The following ARHGAP6 variants were observed in gnomAD, a reference collection of about 807,000 sequenced individuals.
ARHGAP6 encodes Rho GTPase activating protein 6.
A neutral mutation model predicts 55.7 loss-of-function variants in ARHGAP6; 16 were observed. That is an observed-to-expected ratio of 0.29 (90% CI 0.19 to 0.44). The LOEUF (loss-of-function observed/expected upper bound fraction) is 0.44. ARHGAP6 is among the 20% of genes least tolerant of loss of function. The pLI, the probability that ARHGAP6 is intolerant of heterozygous loss-of-function variation, is 1.00. For missense variants in ARHGAP6, 698 were observed against 808.9 expected, an observed-to-expected ratio of 0.86 and a Z score of 1.66; for synonymous variants, 382 against 360.9, an observed-to-expected ratio of 1.06 and a Z score of -0.66.
At chrX:11,432,161 T>A (rs929236966) in intron 1 of ARHGAP6, among the ~76,000 whole-genome samples, 3 of 112,488 alleles carry the variant, frequency 2.7e-5, no homozygotes, top group African/African-American at 9.7e-5. Context: ...TATTAGAGCT[T>A]AGTGTTGCCT....
chrX:11,317,791 T>C (rs997573258), intron 1 of ARHGAP6, among the ~76,000 whole-genome samples: 1 of 111,376 alleles, frequency 9.0e-6, no homozygotes, highest in Non-Finnish European at 1.9e-5. Flanking sequence ...ATTTTTCCAT[T>C]TCATAATTAT....
At chrX:11,534,170 T>C (rs2051079260) in intron 1 of ARHGAP6, among the ~76,000 whole-genome samples, 1 of 111,632 alleles carries the variant, frequency 9.0e-6, no homozygotes, top group Admixed American at 9.5e-5. Flanking sequence ...CTGACTTAGA[T>C]TCAAAATGGA....
intron 1 of ARHGAP6, among the ~76,000 whole-genome samples, chrX:11,316,791 A>G (rs969002303): frequency 2.7e-5 from 3 of 112,152 alleles, no homozygotes; most frequent in Non-Finnish European, 5.6e-5. Flanking sequence ...TCCACATGTA[A>G]GTGAGAAAGT....
At position 11,518,289 on chromosome X, in the gene ARHGAP6, T is replaced by C. The variant is rs367960086; in HGVS notation, c.588+145952A>G. 1.2e-4 allele frequency among the ~76,000 whole-genome samples: 13 copies of C among 109,867 alleles called. No individual in the cohort carries two copies. In the East Asian group the frequency reaches 3.7e-3, roughly 31 times the overall value. On this transcript the variant is annotated intron_variant, in intron 1 of 12. Transcript: ENST00000337414. ...TCGAGTAGCTGTGACTACAGATGCATACCACCACACTTGGCTATTATTTTC... is the reference window on the plus strand; with the variant it reads ...TCGAGTAGCTGTGACTACAGATGCACACCACCACACTTGGCTATTATTTTC...
chrX:11,659,596 TAA>T (rs1265620016), intron 1 of ARHGAP6, among the ~76,000 whole-genome samples: 1 of 111,872 alleles, frequency 8.9e-6, no homozygotes, highest in African/African-American at 3.3e-5. Flanking sequence ...CAGGTGGAAT[TAA>T]AAGTCACTAA....
chrX:11,351,668 G>A, intron 1 of ARHGAP6: 1 of 622,755 alleles, frequency 1.6e-6, no homozygotes, highest in Non-Finnish European at 1.9e-6. Flanking sequence ...TCAGAAGTCT[G>A]CTGGACCCAC....
chrX:11,479,434 A>G (rs981356326), intron 1 of ARHGAP6, among the ~76,000 whole-genome samples: 1 of 111,840 alleles, frequency 8.9e-6, no homozygotes, highest in East Asian at 2.8e-4. Flanking sequence ...AGGTCATTGT[A>G]TACATTCAGC....
At chrX:11,161,267 G>A (rs1292656548) in intron 9 of ARHGAP6, among the ~76,000 whole-genome samples, 2 of 112,239 alleles carry the variant, frequency 1.8e-5, no homozygotes, top group African/African-American at 3.2e-5. Flanking sequence ...TATATTGGAT[G>A]AACACTTATT....
At chrX:11,651,982 G>A (rs370972667) in intron 1 of ARHGAP6, among the ~76,000 whole-genome samples, 76 of 111,838 alleles carry the variant, frequency 6.8e-4, no homozygotes, top group Non-Finnish European at 1.3e-3. Flanking sequence ...TTTTAATAGC[G>A]TTGCTTCTTA....
chrX:11,625,045 G>T (rs2052279083), intron 1 of ARHGAP6, among the ~76,000 whole-genome samples: 1 of 111,956 alleles, frequency 8.9e-6, no homozygotes, highest in Non-Finnish European at 1.9e-5. Context: ...GGCAATGCTA[G>T]TATACTGTTG....
intron 1 of ARHGAP6, among the ~76,000 whole-genome samples, chrX:11,304,248 C>T (rs891135699): frequency 1.0e-4 from 11 of 110,354 alleles, no homozygotes; most frequent in African/African-American, 3.6e-4. Flanking sequence ...AGCCACCACA[C>T]CCAGCTAATT....
chrX:11,296,576 G>A (rs937988132), intron 1 of ARHGAP6, among the ~76,000 whole-genome samples: 2 of 111,750 alleles, frequency 1.8e-5, no homozygotes, highest in Non-Finnish European at 3.8e-5. Flanking sequence ...AAAATAAAAG[G>A]TCTCCTCTTC....
intron 1 of ARHGAP6, among the ~76,000 whole-genome samples, chrX:11,538,854 T>G (rs1323691758): frequency 1.9e-5 from 2 of 105,854 alleles, no homozygotes; most frequent in Non-Finnish European, 3.9e-5. Context: ...GTGTGGTTTT[T>G]TTTTTTTTTT....
intron 1 of ARHGAP6, among the ~76,000 whole-genome samples, chrX:11,297,041 T>A (rs1200397342): frequency 9.0e-6 from 1 of 111,535 alleles, no homozygotes; most frequent in Non-Finnish European, 1.9e-5. Flanking sequence ...ACTCAGTCTG[T>A]CCTCCTAAAT....
At chrX:11,522,929 C>CA (rs750836578) in intron 1 of ARHGAP6, among the ~76,000 whole-genome samples, 1,591 of 111,091 alleles carry the variant, frequency 0.014, 28 homozygotes, top group African/African-American at 0.05. Context: ...AGAGACACAA[C>CA]AAAAAACAGA....
In ARHGAP6 at chrX:11,138,877, C is replaced by T; in HGVS notation, c.2911G>A (p.Glu971Lys). 3 of 1,182,901 alleles carry T rather than the reference C, an allele frequency of 2.5e-6. No individual in the cohort carries two copies. Among genetic ancestry groups the T allele is most frequent in the Non-Finnish European group, 3.4e-6 (3 of 887,264 alleles). ...LSTDNPDALP[E>K]TLV The stretch of plus-strand genomic sequence containing the variant: ...TGGGTGCGGGCTCAGACCAGCGTCT[C>T]GGGCAGGGCATCGGGGTTGTCGGTC... Residue 971 changes from glutamate (E) to lysine (K), a missense_variant, in exon 13 of 13, where the codon GAG (glutamate) becomes AAG (lysine). Glu to Lys is a moderately conservative substitution (Grantham distance 56). This residue lies in a region of ARHGAP6 where 212 missense variants were observed against 208.7 expected (regional missense o/e 1.02). Transcript: ENST00000337414.
chrX:11,363,772 C>A lies in ARHGAP6; in HGVS notation c.589-109065G>T, dbSNP rs190394999. Among the ~76,000 whole-genome samples the A allele has an allele frequency of 1.3e-4, 15 of 112,231 alleles. No individual in the cohort carries two copies. The East Asian group carries it at 4.2e-3, about 31-fold the overall frequency. ...TTTTCTGAATGTAAATTAATTCAGC[C>A]ACTGTAAAAAGCAGATTGGCAATTT... On this transcript the variant is annotated intron_variant, in intron 1 of 12. Coordinates refer to ENST00000337414, the MANE Select transcript of ARHGAP6 (RefSeq NM_013427.3).
intron 2 of ARHGAP6, among the ~76,000 whole-genome samples, chrX:11,251,826 T>C (rs951752861): frequency 8.9e-6 from 1 of 111,808 alleles, no homozygotes; most frequent in Non-Finnish European, 1.9e-5. Context: ...CAGCCACACA[T>C]TCCAAGGATC....
intron 1 of ARHGAP6, among the ~76,000 whole-genome samples, chrX:11,419,162 G>A (rs1452263965): frequency 4.5e-5 from 5 of 112,326 alleles, no homozygotes; most frequent in African/African-American, 9.7e-5. Context: ...AAGGCTGCAA[G>A]TCAGTGGGCT....
Sources: allele counts gnomAD v4.1 joint callset (sites outside exome capture counted in the v4.1 genomes callset), GRCh38; gene constraint gnomAD v4.1.1; regional missense constraint gnomAD v4.1.1; transcripts MANE v1.5; gene names NCBI Gene and HGNC (gene_info 2026-07-23, HGNC 2026-07-21).